ENTREP1: variants seen among roughly 807,000 people sequenced by gnomAD.
ENTREP1 encodes the protein endosomal transmembrane epsin interactor 1, also known as Friedreich ataxia region gene X123.
the ENTREP1 span, among the ~76,000 whole-genome samples, chr9:69,355,025 C>A: frequency 6.6e-6 from 1 of 152,174 alleles, no homozygotes; most frequent in Admixed American, 6.5e-5. Flanking sequence ...AATGTAAATA[C>A]TCCCATGCAG....
chr9:69,355,209 A>G, the ENTREP1 span, among the ~76,000 whole-genome samples: 33 of 152,330 alleles, frequency 2.2e-4, no homozygotes, highest in Admixed American at 1.8e-3. Context: ...TCCACAGACT[A>G]CCTATTAAGC....
chr9:69,332,657 A>G, the ENTREP1 span, among the ~76,000 whole-genome samples: 3 of 152,210 alleles, frequency 2.0e-5, no homozygotes, highest in Non-Finnish European at 2.9e-5. Flanking sequence ...ATGCAAACAA[A>G]ATACCTCCCC....
At chr9:69,327,445 G>T in the ENTREP1 span, among the ~76,000 whole-genome samples, 3 of 152,094 alleles carry the variant, frequency 2.0e-5, no homozygotes, top group South Asian at 6.2e-4. Context: ...TTAGGAATTT[G>T]CTCTTTATAA....
the ENTREP1 span, chr9:69,388,117 G>A: frequency 1.9e-6 from 3 of 1,613,762 alleles, no homozygotes; most frequent in Non-Finnish European, 2.5e-6. Context: ...TGTTCAAAAG[G>A]GGTTGGCCAA....
At chr9:69,383,584 G>A in the ENTREP1 span, 2 of 1,611,280 alleles carry the variant, frequency 1.2e-6, no homozygotes, top group South Asian at 2.2e-5. Flanking sequence ...CAGTCACGTG[G>A]CCAGTCTGTA....
the ENTREP1 span, chr9:69,392,135 G>C: frequency 2.9e-6 from 1 of 342,438 alleles, no homozygotes; most frequent in Admixed American, 4.3e-5. Flanking sequence ...TTCACCCCTC[G>C]TGTCTCTCTT....
At chr9:69,367,706 T>C in the ENTREP1 span, among the ~76,000 whole-genome samples, 43 of 91,898 alleles carry the variant, frequency 4.7e-4, no homozygotes, top group African/African-American at 1.4e-3. Context: ...TATATATAAA[T>C]ATATATATAC....
At chr9:69,391,598 A>G in the ENTREP1 span, 2 of 1,613,824 alleles carry the variant, frequency 1.2e-6, no homozygotes, top group South Asian at 2.2e-5. Flanking sequence ...TCTTTTCCCA[A>G]AGATAATGGC....
chr9:69,383,429 A>C, the ENTREP1 span: 3 of 1,435,578 alleles, frequency 2.1e-6, no homozygotes, highest in Non-Finnish European at 2.7e-6. Context: ...CATTTTATAC[A>C]CTGTCATTTG....
At chr9:69,342,560 G>A in the ENTREP1 span, among the ~76,000 whole-genome samples, 1 of 152,226 alleles carries the variant, frequency 6.6e-6, no homozygotes, top group Admixed American at 6.5e-5. Flanking sequence ...AGGCAGAAAT[G>A]ACCAAGGTAA....
At chr9:69,390,036 C>G in the ENTREP1 span, among the ~76,000 whole-genome samples, 1 of 152,220 alleles carries the variant, frequency 6.6e-6, no homozygotes, top group Non-Finnish European at 1.5e-5. Context: ...ATTTCTGACT[C>G]TAGCTGGCTT....
the ENTREP1 span, among the ~76,000 whole-genome samples, chr9:69,377,985 T>C: frequency 6.6e-6 from 1 of 151,508 alleles, no homozygotes; most frequent in Non-Finnish European, 1.5e-5. Flanking sequence ...ACAATTATGC[T>C]GTTTTTCAGG....
At chr9:69,325,454 G>A in the ENTREP1 span, 5 of 939,720 alleles carry the variant, frequency 5.3e-6, no homozygotes, top group Non-Finnish European at 6.3e-6. Context: ...GCCCCGGGGC[G>A]CGCTGCAGCC....
the ENTREP1 span, chr9:69,388,137 G>T: frequency 1.2e-6 from 2 of 1,614,120 alleles, no homozygotes; most frequent in Non-Finnish European, 1.7e-6. Flanking sequence ...ATGGGTACAT[G>T]TTGTTTGTTT....
chr9:69,364,576 C>T, the ENTREP1 span, among the ~76,000 whole-genome samples: 1 of 151,966 alleles, frequency 6.6e-6, no homozygotes, highest in Non-Finnish European at 1.5e-5. Context: ...TGGAAGTGAT[C>T]CCATTATAAC....
At chr9:69,325,259 C>T in the ENTREP1 span, 9 of 1,028,140 alleles carry the variant, frequency 8.8e-6, no homozygotes, top group Non-Finnish European at 1.0e-5. Context: ...GCTCCGCGTC[C>T]TCTGCCCGCC....
At chr9:69,348,294 A>G in the ENTREP1 span, among the ~76,000 whole-genome samples, 1 of 151,994 alleles carries the variant, frequency 6.6e-6, no homozygotes, top group East Asian at 1.9e-4. Context: ...TTTTAATTTA[A>G]TTTTTTGTAG....
At chr9:69,340,203 T>C in the ENTREP1 span, among the ~76,000 whole-genome samples, 1 of 152,238 alleles carries the variant, frequency 6.6e-6, no homozygotes, top group South Asian at 2.1e-4. Context: ...GGGAGTATTT[T>C]GGTGGTGGAG....
the ENTREP1 span, chr9:69,325,384 C>T: frequency 2.6e-6 from 3 of 1,136,246 alleles, no homozygotes; most frequent in Non-Finnish European, 3.2e-6. Flanking sequence ...AGGCCGGGGG[C>T]CCGGGCGCCG....
Sources: gnomAD v4.1 joint callset for allele counts (sites outside exome capture counted in the v4.1 genomes callset) on GRCh38, gnomAD v4.1.1 for gene constraint, MANE v1.5 for transcripts, NCBI Gene and HGNC (gene_info 2026-07-23, HGNC 2026-07-21) for gene names.